The following SLC45A3 variants were observed in gnomAD, a reference collection of about 807,000 sequenced individuals.
The protein encoded by SLC45A3 is prostate cancer associated protein 2.
A neutral mutation model predicts 35.3 loss-of-function variants in SLC45A3; 17 were observed. The observed-to-expected ratio is 0.48, with a 90% CI of 0.33 to 0.72. The LOEUF is 0.72. Ranked by LOEUF, SLC45A3 falls within the 30% of genes least tolerant of loss-of-function variation. The pLI is 0.02. For missense variants in SLC45A3, 597 were observed against 731.7 expected, an observed-to-expected ratio of 0.82 and a Z score of 2.12; for synonymous variants, 288 against 334.3, an observed-to-expected ratio of 0.86 and a Z score of 1.51.
At chr1:205,676,607 C>CT (rs1671318192) in intron 1 of SLC45A3, among the ~76,000 whole-genome samples, 1 of 152,138 alleles carries the variant, frequency 6.6e-6, no homozygotes, top group Non-Finnish European at 1.5e-5. Flanking sequence ...GGAAGCAGGC[C>CT]CATGTCCAAC....
At chr1:205,675,429 G>T (rs1403858035) in intron 1 of SLC45A3, among the ~76,000 whole-genome samples, 1 of 152,104 alleles carries the variant, frequency 6.6e-6, no homozygotes, top group East Asian at 1.9e-4. Context: ...CAGAAACTTT[G>T]CCTCTGAGGC....
intron 1 of SLC45A3, among the ~76,000 whole-genome samples, chr1:205,674,423 C>T (rs954845062): frequency 6.6e-6 from 1 of 151,486 alleles, no homozygotes; most frequent in Admixed American, 6.6e-5. Context: ...CTCATCTCTA[C>T]TAAAAATACA....
Position 205,673,151 on chromosome 1 carries a change from G to A in SLC45A3, c.-231+7243C>T, listed in dbSNP as rs1159064470. Among the ~76,000 whole-genome samples the A allele has an allele frequency of 3.9e-5, 6 of 152,140 alleles. No individual in the cohort carries two copies. The East Asian group carries it at 1.2e-3, about 29-fold the overall frequency. On this transcript the variant is annotated intron_variant, in intron 1 of 4. Transcript: ENST00000367145. Reference sequence around the variant, plus strand: ...ACTAAGCCGAATAACCAGGACATCTGGGGGTAGAACTGCCCTCTTCCCTAG... The same window carrying A: ...ACTAAGCCGAATAACCAGGACATCTAGGGGTAGAACTGCCCTCTTCCCTAG...
In SLC45A3 at chr1:205,664,627, C is replaced by G; in HGVS notation, c.30G>C (p.Leu10=). ...AGAGCTGGGCTTTCCGGTGCCGCAG[C>G]AGGCGGCTCACCCACAGCCTCTGGA... MVQRLWVSR[L]LRHRKAQLLL... is the part of the protein sequence containing the mutation. Residue 10 remains leucine, a synonymous_variant, in exon 2 of 5, where the codon CTG becomes CTC. Coordinates refer to ENST00000367145, the MANE Select transcript of SLC45A3 (RefSeq NM_033102.3). This position sits in a 1 kb window ranked among gnomAD's most constrained non-coding sequence, Gnocchi z 5.3. 3 of 1,614,252 alleles carry G rather than the reference C, an allele frequency of 1.9e-6. No homozygotes were observed. In the African/African-American group the frequency reaches 4.0e-5, roughly 22 times the overall value.
rs2102407194 is a variant in SLC45A3 at position 205,669,805 on chromosome 1, G to A, written c.-230-4919C>T. On this transcript the variant is annotated intron_variant, in intron 1 of 4. Transcript: ENST00000367145. The surrounding 1 kb of genome is among the most constrained non-coding windows in gnomAD (Gnocchi z 4.1). ...AAATCGGGGGCTGGTGAGGCACGAG[G>A]AATAATGACTCAGCTGAGGAAAGCG... Among the ~76,000 whole-genome samples, 2 of 152,328 alleles carry A rather than the reference G, an allele frequency of 1.3e-5. 1 individual carries two copies. The highest frequency in any genetic ancestry group is 4.1e-4 in the South Asian group (2 of 4,824).
intron 1 of SLC45A3, among the ~76,000 whole-genome samples, chr1:205,674,173 T>G (rs1671262866): frequency 7.3e-6 from 1 of 137,680 alleles, no homozygotes; most frequent in Admixed American, 8.1e-5. Flanking sequence ...TGCTTAGCCT[T>G]GAAGGATAAG....
At chr1:205,679,963 C>A (rs1206222006) in intron 1 of SLC45A3, among the ~76,000 whole-genome samples, 1 of 151,806 alleles carries the variant, frequency 6.6e-6, no homozygotes, top group African/African-American at 2.4e-5. Context: ...AGAAAATAAA[C>A]GCAACTTTCC....
intron 1 of SLC45A3, among the ~76,000 whole-genome samples, chr1:205,671,808 G>A (rs1671220733): frequency 6.6e-6 from 1 of 152,156 alleles, no homozygotes; most frequent in African/African-American, 2.4e-5. Flanking sequence ...CAAGGTTGCA[G>A]TGAACCGAGA....
rs766078747 is a variant in SLC45A3 at position 205,669,991 on chromosome 1, C to G, written c.-230-5105G>C. Among the ~76,000 whole-genome samples the G allele has an allele frequency of 3.9e-5, 6 of 152,188 alleles. No individual in the cohort carries two copies. Among genetic ancestry groups the G allele is most frequent in the Non-Finnish European group, 5.9e-5 (4 of 68,018 alleles). On this transcript the variant is annotated intron_variant, in intron 1 of 4. Coordinates refer to ENST00000367145, the MANE Select transcript of SLC45A3 (RefSeq NM_033102.3). This position sits in a 1 kb window ranked among gnomAD's most constrained non-coding sequence, Gnocchi z 4.1. ...GGGGCAGGGAGTGGACCTCTCAGGTCTGGGGGTTCCCCAGCCCTCCTCCCC... is the reference window on the plus strand; with the variant it reads ...GGGGCAGGGAGTGGACCTCTCAGGTGTGGGGGTTCCCCAGCCCTCCTCCCC...
Position 205,669,174 on chromosome 1 carries a change from T to G in SLC45A3, c.-230-4288A>C, listed in dbSNP as rs898887619. On this transcript the variant is annotated intron_variant, in intron 1 of 4. Coordinates refer to ENST00000367145, the MANE Select transcript of SLC45A3 (RefSeq NM_033102.3). The surrounding 1 kb of genome is among the most constrained non-coding windows in gnomAD (Gnocchi z 4.1). ...ACACCGAGGACTTTGCAGGCCCAAC[T>G]CCAGAGGGAGCAGCTCCTATGGGCT... is the stretch of plus-strand genomic sequence containing the variant. Among the ~76,000 whole-genome samples, 1 of 152,094 alleles carries G rather than the reference T, an allele frequency of 6.6e-6. No homozygotes were observed. Among genetic ancestry groups the G allele is most frequent in the Non-Finnish European group, 1.5e-5 (1 of 68,008 alleles).
At chr1:205,673,246 AT>A (rs1378542080) in intron 1 of SLC45A3, among the ~76,000 whole-genome samples, 1 of 152,202 alleles carries the variant, frequency 6.6e-6, no homozygotes, top group Middle Eastern at 3.4e-3. Flanking sequence ...GCCACAATAA[AT>A]GCTTCCCTAC....
At chr1:205,670,945 T>C (rs923986403) in intron 1 of SLC45A3, among the ~76,000 whole-genome samples, 2 of 152,150 alleles carry the variant, frequency 1.3e-5, no homozygotes, top group African/African-American at 4.8e-5. Context: ...ACCCCCAATG[T>C]GTGAAAACCC....
intron 1 of SLC45A3, among the ~76,000 whole-genome samples, chr1:205,674,149 G>C (rs1170704729): frequency 6.6e-6 from 1 of 151,524 alleles, no homozygotes; most frequent in Non-Finnish European, 1.5e-5. Context: ...GCTTCCTAGA[G>C]GGAATGGCCA....
rs557311066 is a variant in SLC45A3 at position 205,670,249 on chromosome 1, T to C, written c.-230-5363A>G. Among the ~76,000 whole-genome samples, 3 of 152,338 alleles carry C rather than the reference T, an allele frequency of 2.0e-5. No individual in the cohort carries two copies. The South Asian group carries it at 6.2e-4, about 32-fold the overall frequency. On this transcript the variant is annotated intron_variant, in intron 1 of 4. Coordinates refer to ENST00000367145, the MANE Select transcript of SLC45A3 (RefSeq NM_033102.3). ...GATCCCCTTTGTGAGGGGTGCCATG[T>C]GCTTGGGCTGCTGGGGAGATGGTGG...
chr1:205,679,139 T>C (rs1024482618), intron 1 of SLC45A3, among the ~76,000 whole-genome samples: 2 of 152,106 alleles, frequency 1.3e-5, no homozygotes, highest in Non-Finnish European at 2.9e-5. Flanking sequence ...CCTGGTCAAC[T>C]GGCAATGCCC....
rs1352138466 is a variant in SLC45A3, at chr1:205,680,479, C to G, written c.-316G>C. 2.0e-5 allele frequency: 3 copies of G among 152,126 alleles called. No homozygotes were observed. Among genetic ancestry groups the G allele is most frequent in the Non-Finnish European group, 4.4e-5 (3 of 68,322 alleles). 9.4% of individuals were successfully genotyped at this position (152,126 alleles called of 1,614,324 possible). A position where few individuals can be genotyped will look rare whatever the true frequency, so the allele number is the denominator to read the frequency against. On this transcript the variant is annotated 5_prime_UTR_variant, in exon 1 of 5. Coordinates refer to ENST00000367145, the MANE Select transcript of SLC45A3 (RefSeq NM_033102.3). ...TTCCTTGCCCCCCACGCGCGCCAGC[C>G]GGCGGCTTTTAAATCTCCAGGTTAC...
At chr1:205,661,826 T>C in intron 4 of SLC45A3, 35 bp downstream of exon 4, 1 of 1,590,270 alleles carries the variant, frequency 6.3e-7, no homozygotes. Flanking sequence ...AGACCACCCC[T>C]CCCACCCTGA....
intron 1 of SLC45A3, among the ~76,000 whole-genome samples, chr1:205,677,001 A>G (rs1186430550): frequency 6.6e-6 from 1 of 152,198 alleles, no homozygotes; most frequent in African/African-American, 2.4e-5. Flanking sequence ...AAAAGATCCT[A>G]AGGGTTGGGG....
chr1:205,661,920 A>T lies in SLC45A3; in HGVS notation c.1165T>A (p.Phe389Ile). The change falls in exon 4 of 5, where the codon TTC becomes ATC. Residue 389 changes from phenylalanine (F) to isoleucine (I), a missense_variant. Phe to Ile is a conservative substitution (Grantham distance 21). This residue lies in a region of SLC45A3 where 555 missense variants were observed against 664.9 expected (regional missense o/e 0.83). Coordinates refer to ENST00000367145, the MANE Select transcript of SLC45A3 (RefSeq NM_033102.3). ...TASAALTGFT[F>I]SALQILPYTL... is the part of the protein sequence containing the mutation. ...TAGGGCAGGATCTGCAGGGCTGAGA[A>T]GGTGAACCCGGTGAGGGCGGCTGAA... 1 of 1,614,192 alleles carries T rather than the reference A, an allele frequency of 6.2e-7. No homozygotes were observed. Among genetic ancestry groups the T allele is most frequent in the Non-Finnish European group, 8.5e-7 (1 of 1,180,034 alleles).
Sources: gnomAD v4.1 joint callset for allele counts (sites outside exome capture counted in the v4.1 genomes callset) on GRCh38, gnomAD v4.1.1 for gene constraint, gnomAD v4.1.1 regional missense constraint, Gnocchi (gnomAD v3.1) non-coding constraint, MANE v1.5 for transcripts, NCBI Gene and HGNC (gene_info 2026-07-23, HGNC 2026-07-21) for gene names.